Variants in ADAM7 observed in about 807,000 individuals in gnomAD.
ADAM7 encodes the protein ADAM metallopeptidase domain 7, also known as disintegrin and metalloproteinase domain-containing protein 7.
Under a neutral mutation model 102.9 loss-of-function variants are expected in ADAM7, and 97 were observed. That is an observed-to-expected ratio of 0.94 (90% CI 0.80 to 1.12). The LOEUF is 1.12. Ranked by LOEUF, ADAM7 falls within the 50% of genes most tolerant of loss-of-function variation. The probability of loss-of-function intolerance (pLI) is 0.00; values close to 1 mark genes in which losing one functional copy is unlikely to be tolerated. For synonymous variants in ADAM7, 334 were observed against 304.4 expected, an observed-to-expected ratio of 1.10 and a Z score of -1.01; for missense variants, 991 against 908.7, an observed-to-expected ratio of 1.09 and a Z score of -1.16.
chr8:24,450,560 TG>T (rs1199379377), intron 3 of ADAM7, among the ~76,000 whole-genome samples: 1 of 152,154 alleles, frequency 6.6e-6, no homozygotes, highest in Non-Finnish European at 1.5e-5. Context: ...GCTGAGACAA[TG>T]GGGTTTTCTA....
At chr8:24,507,623 T>A in intron 21 of ADAM7, 88 bp downstream of exon 21, 1 of 1,124,952 alleles carries the variant, frequency 8.9e-7, no homozygotes, top group Non-Finnish European at 1.3e-6. Flanking sequence ...ATTGATTTAC[T>A]GGGGACATCC....
rs965011407 is a variant in ADAM7, at chr8:24,482,325, C to G, written c.875+14C>G. The G allele has an allele frequency of 5.0e-6, 8 of 1,596,552 alleles. No homozygotes were observed. The highest frequency in any genetic ancestry group is 6.8e-6 in the Non-Finnish European group (8 of 1,174,588). On this transcript the variant is annotated intron_variant, in intron 9 of 21. Coordinates refer to ENST00000175238, the MANE Select transcript of ADAM7 (RefSeq NM_003817.4). ...TGTATTACTCAGGTTGGTGATTGCT[C>G]TATTTTCTTGCATACCTTTGGTGGA...
intron 5 of ADAM7, 51 bp downstream of exon 5, chr8:24,465,826 C>A: frequency 7.1e-7 from 1 of 1,401,340 alleles, no homozygotes; most frequent in South Asian, 1.4e-5. Flanking sequence ...TATGGATTTT[C>A]AAAGAAGTTA....
Position 24,492,051 on chromosome 8 carries a change from G to A in ADAM7, c.1505G>A (p.Gly502Glu), listed in dbSNP as rs767865643. ...CKNSEGYCFM[G>E]KCPTREDQCS... ...AACTCAGAAGGCTACTGTTTCATGG[G>A]GAAATGTCCAACTCGTGAGGATCAG... Residue 502 changes from glycine to glutamate, a missense_variant, in exon 14 of 22, where the codon GGG (glycine) becomes GAG (glutamate). By Grantham distance (98) the Gly-to-Glu change is moderately conservative. Transcript: ENST00000175238. 8 of 1,613,860 alleles carry A rather than the reference G, an allele frequency of 5.0e-6. No individual in the cohort carries two copies. In the South Asian group the frequency reaches 7.7e-5, roughly 16 times the overall value.
intron 9 of ADAM7, among the ~76,000 whole-genome samples, chr8:24,483,435 G>T (rs1820029429): frequency 1.3e-5 from 2 of 152,042 alleles, no homozygotes; most frequent in Admixed American, 1.3e-4. Flanking sequence ...CATAATATCG[G>T]TATTTCTCCT....
At chr8:24,481,623 A>G (rs1390253852) in intron 8 of ADAM7, among the ~76,000 whole-genome samples, 1 of 152,202 alleles carries the variant, frequency 6.6e-6, no homozygotes, top group Non-Finnish European at 1.5e-5. Context: ...CTGCCTGCTT[A>G]GAGCAACCCC....
chr8:24,508,076 A>C (rs1270095662), intron 21 of ADAM7, among the ~76,000 whole-genome samples: 1 of 152,148 alleles, frequency 6.6e-6, no homozygotes, highest in Non-Finnish European at 1.5e-5. Context: ...GCTTCAGTAC[A>C]TTTTGAGTTT....
chr8:24,456,412 T>C (rs949040130), intron 3 of ADAM7, among the ~76,000 whole-genome samples: 1 of 152,220 alleles, frequency 6.6e-6, no homozygotes, highest in African/African-American at 2.4e-5. Flanking sequence ...ATTTGGCTAT[T>C]GTGAATAGTG....
intron 10 of ADAM7, among the ~76,000 whole-genome samples, chr8:24,486,291 T>C (rs139731864): frequency 1.1e-3 from 166 of 152,322 alleles, no homozygotes; most frequent in African/African-American, 3.8e-3. Flanking sequence ...AACATAGAAA[T>C]TAAAGCATAT....
intron 3 of ADAM7, among the ~76,000 whole-genome samples, chr8:24,450,587 A>C (rs1425989857): frequency 1.4e-4 from 21 of 151,942 alleles, no homozygotes; most frequent in African/African-American, 2.9e-4. Flanking sequence ...ACAATCGTGT[A>C]GTCTGCAAAC....
intron 16 of ADAM7, among the ~76,000 whole-genome samples, chr8:24,495,114 G>A (rs1206021360): frequency 6.6e-6 from 1 of 152,176 alleles, no homozygotes; most frequent in Non-Finnish European, 1.5e-5. Flanking sequence ...CAGCTGGCGT[G>A]AGTGAAGCAG....
chr8:24,498,269 A>G (rs1262203679), intron 16 of ADAM7, among the ~76,000 whole-genome samples: 1 of 151,764 alleles, frequency 6.6e-6, no homozygotes, highest in Non-Finnish European at 1.5e-5. Context: ...TATCTGATTT[A>G]CTCAATCAAA....
Position 24,493,055 on chromosome 8 carries a change from TG to T in ADAM7, c.1670del (p.Gly557GlufsTer66). The T allele has an allele frequency of 6.3e-7, 1 of 1,586,454 alleles. No homozygotes were observed. Among genetic ancestry groups the T allele is most frequent in the Non-Finnish European group, 8.5e-7 (1 of 1,171,316 alleles). On this transcript the variant is annotated frameshift_variant, in exon 16 of 22. Transcript: ENST00000175238. LOFTEE classifies it high-confidence loss of function. ...LPCEEKDVRC[G>X]KIYCTGGELS... ...GCCTTTCCTTCAGAGATGTCAGATG[TG>T]GAAAGATCTACTGCACTGGAGGGGA...
At chr8:24,447,722 A>G (rs1047530967) in intron 3 of ADAM7, among the ~76,000 whole-genome samples, 2 of 152,158 alleles carry the variant, frequency 1.3e-5, no homozygotes, top group African/African-American at 4.8e-5. Flanking sequence ...TGCAATGTCT[A>G]TAACTTTCTT....
intron 3 of ADAM7, among the ~76,000 whole-genome samples, chr8:24,452,113 A>C (rs1232599945): frequency 6.6e-6 from 1 of 151,266 alleles, no homozygotes; most frequent in Non-Finnish European, 1.5e-5. Context: ...GTGCTGAAAA[A>C]AATGTATATT....
intron 3 of ADAM7, among the ~76,000 whole-genome samples, chr8:24,456,590 A>T (rs982221600): frequency 6.6e-6 from 1 of 151,314 alleles, no homozygotes; most frequent in African/African-American, 2.4e-5. Flanking sequence ...AAAGTTCTTC[A>T]TGCTTCTCCT....
At chr8:24,467,209 T>C in intron 6 of ADAM7, 1 of 590,840 alleles carries the variant, frequency 1.7e-6, no homozygotes, top group South Asian at 2.2e-5. Flanking sequence ...GATTCTACAA[T>C]TCTATGTATA....
intron 20 of ADAM7, among the ~76,000 whole-genome samples, chr8:24,506,753 GCACACACACACACA>G (rs71549838): frequency 3.5e-5 from 5 of 144,192 alleles, no homozygotes; most frequent in South Asian, 2.3e-4. Context: ...CTGAGTCAAA[GCACACACACACACA>G]CACACACACA....
In ADAM7 at chr8:24,509,142, G is replaced by A; in HGVS notation, c.*596G>A. ...GTGGTGGGAAAGGAAAACACAGAAT[G>A]CTCCTGGCAATTCTAAATTCCTAGG... On this transcript the variant is annotated 3_prime_UTR_variant, in exon 22 of 22. Transcript: ENST00000175238. 1.0e-6 allele frequency: 1 copy of A among 985,404 alleles called. No individual in the cohort carries two copies. 61.0% of individuals were successfully genotyped at this position (985,404 alleles called of 1,614,324 possible).
Sources: allele counts gnomAD v4.1 joint callset (sites outside exome capture counted in the v4.1 genomes callset), GRCh38; gene constraint gnomAD v4.1.1; transcripts MANE v1.5; gene names NCBI Gene and HGNC (gene_info 2026-07-23, HGNC 2026-07-21).